The following ABCA13 variants were observed in gnomAD, a reference collection of about 807,000 sequenced individuals.
The protein encoded by ABCA13 is ATP-binding cassette sub-family A member 13.
Under a neutral mutation model 478.7 loss-of-function variants are expected in ABCA13, and 476 were observed. That is an observed-to-expected ratio of 0.99 (90% CI 0.92 to 1.07). The LOEUF is 1.07. ABCA13 is among the 50% of genes least tolerant of loss of function. The pLI is 0.00. For missense variants in ABCA13, 6,060 were observed against 5,910.6 expected, an observed-to-expected ratio of 1.03 and a Z score of -0.83; for synonymous variants, 2,252 against 2,158.9, an observed-to-expected ratio of 1.04 and a Z score of -1.20.
At chr7:48,292,295 C>A (rs1380246782) in intron 20 of ABCA13, among the ~76,000 whole-genome samples, 1 of 152,058 alleles carries the variant, frequency 6.6e-6, no homozygotes, top group Non-Finnish European at 1.5e-5. Flanking sequence ...AGTCTTTGTT[C>A]TTCTTATTTT....
In ABCA13 at chr7:48,273,075, G is replaced by A; in HGVS notation, c.3409G>A (p.Val1137Met). ...TTCAAACCTCTCAGCAAATGTCAGT[G>A]TGTTCAACAAGTTTATGTCCATTCA... Reference protein sequence around the residue: ...IFSNLSANVSVFNKFMSIHCT... With the variant: ...IFSNLSANVSMFNKFMSIHCT... Residue 1137 changes from valine (V) to methionine (M), a missense_variant, in exon 17 of 62, where the codon GTG becomes ATG. Val to Met is a conservative substitution (Grantham distance 21, BLOSUM62 1). Around this residue, in one of 3 missense-constraint regions of ABCA13, gnomAD observed 4,423 missense variants for 4,309.1 expected, o/e 1.03. Coordinates refer to ENST00000435803, the MANE Select transcript of ABCA13 (RefSeq NM_152701.5). The A allele has an allele frequency of 1.9e-6, 3 of 1,613,610 alleles. No individual in the cohort carries two copies. Among genetic ancestry groups the A allele is most frequent in the Non-Finnish European group, 2.5e-6 (3 of 1,179,734 alleles).
At position 48,479,408 on chromosome 7, in the gene ABCA13, T is replaced by C. The variant is rs143134227; in HGVS notation, c.12976-1628T>C. Among the ~76,000 whole-genome samples, 944 of 152,168 alleles carry C rather than the reference T, an allele frequency of 6.2e-3. 8 individuals carry two copies. The highest frequency in any genetic ancestry group is 0.022 in the African/African-American group (902 of 41,500). ...TTGTGCTACCACGCCCTGCTAATTT[T>C]TGCATTTTTATTAGAGATGGGGTTT... On this transcript the variant is annotated intron_variant, in intron 45 of 61. Transcript: ENST00000435803.
In ABCA13 at chr7:48,467,057, G is replaced by A. The variant is rs1826960437; in HGVS notation, c.12905+12G>A. The stretch of plus-strand genomic sequence containing the variant: ...TTAAACCCACGCCAGTAAGTGTCAG[G>A]TGCTCTCTGCAAAAGTGAACACTCC... On this transcript the variant is annotated intron_variant, in intron 44 of 61. Coordinates refer to ENST00000435803, the MANE Select transcript of ABCA13 (RefSeq NM_152701.5). 1 of 1,613,184 alleles carries A rather than the reference G, an allele frequency of 6.2e-7. No individual in the cohort carries two copies. The highest frequency in any genetic ancestry group is 1.3e-5 in the African/African-American group (1 of 75,004).
At chr7:48,583,304 A>C (rs1277536206) in intron 56 of ABCA13, among the ~76,000 whole-genome samples, 1 of 152,202 alleles carries the variant, frequency 6.6e-6, no homozygotes, top group African/African-American at 2.4e-5. Flanking sequence ...TGGGGACAGG[A>C]GGTCATCTTC....
At chr7:48,391,473 A>G (rs1816037411) in intron 37 of ABCA13, among the ~76,000 whole-genome samples, 1 of 152,212 alleles carries the variant, frequency 6.6e-6, no homozygotes, top group Non-Finnish European at 1.5e-5. Context: ...TACAATATTC[A>G]ATAAATTGCA....
At chr7:48,613,047 C>A (rs1027522581) in intron 58 of ABCA13, among the ~76,000 whole-genome samples, 1 of 152,048 alleles carries the variant, frequency 6.6e-6, no homozygotes, top group Non-Finnish European at 1.5e-5. Context: ...TTATTACCCA[C>A]GAGCAGTTCT....
At position 48,229,811 on chromosome 7, in the gene ABCA13, T is replaced by A; in HGVS notation, c.633-14T>A. On this transcript the variant is annotated splice_polypyrimidine_tract_variant and intron_variant, in intron 6 of 61. Coordinates refer to ENST00000435803, the MANE Select transcript of ABCA13 (RefSeq NM_152701.5). Reference sequence around the variant, plus strand: ...TACCCACTCATATTGCTTTTTGTTTTGTTTTGGTTCTAGTTCCTTAATATC... The same window carrying A: ...TACCCACTCATATTGCTTTTTGTTTAGTTTTGGTTCTAGTTCCTTAATATC... The A allele has an allele frequency of 6.2e-7, 1 of 1,613,702 alleles. No homozygotes were observed. The highest frequency in any genetic ancestry group is 8.5e-7 in the Non-Finnish European group (1 of 1,179,802).
At chr7:48,288,225 A>G in intron 20 of ABCA13, 147 bp downstream of exon 20, 1 of 739,074 alleles carries the variant, frequency 1.4e-6, no homozygotes, top group South Asian at 1.9e-5. Flanking sequence ...GGCTTGCAGA[A>G]TGACTGCTCA....
chr7:48,368,881 CAT>C (rs1476260682), intron 32 of ABCA13, among the ~76,000 whole-genome samples: 2 of 151,750 alleles, frequency 1.3e-5, no homozygotes, highest in Non-Finnish European at 1.5e-5. Context: ...CTGCTATAAA[CAT>C]ATGTGTGCAA....
At chr7:48,203,914 T>C (rs530245408) in intron 3 of ABCA13, among the ~76,000 whole-genome samples, 2 of 152,318 alleles carry the variant, frequency 1.3e-5, no homozygotes, top group South Asian at 4.1e-4. Context: ...CATTTCCTAC[T>C]GGTCTCATTT....
chr7:48,383,074 C>G (rs994514550), intron 35 of ABCA13, among the ~76,000 whole-genome samples: 1 of 152,162 alleles, frequency 6.6e-6, no homozygotes, highest in Non-Finnish European at 1.5e-5. Context: ...TCTCCTCATA[C>G]CTCTGTACAA....
At chr7:48,437,883 G>A (rs908994106) in intron 42 of ABCA13, among the ~76,000 whole-genome samples, 3 of 152,004 alleles carry the variant, frequency 2.0e-5, no homozygotes, top group African/African-American at 7.2e-5. Context: ...TTCTTCTGAT[G>A]TTCCTTGGCC....
intron 43 of ABCA13, among the ~76,000 whole-genome samples, chr7:48,462,444 C>T (rs181103641): frequency 0.047 from 4,185 of 89,070 alleles, 181 homozygotes; most frequent in African/African-American, 0.22. Flanking sequence ...GTAAAGGATT[C>T]CCCCCCCCCT....
At chr7:48,238,954 A>G (rs1228312870) in intron 8 of ABCA13, among the ~76,000 whole-genome samples, 6 of 152,214 alleles carry the variant, frequency 3.9e-5, no homozygotes, top group Non-Finnish European at 8.8e-5. Flanking sequence ...ACCCATGTTC[A>G]CTTTTGGCCT....
At chr7:48,577,559 A>T (rs1384800337) in intron 55 of ABCA13, among the ~76,000 whole-genome samples, 2 of 152,160 alleles carry the variant, frequency 1.3e-5, no homozygotes, top group Admixed American at 1.3e-4. Flanking sequence ...CCAAATAGGT[A>T]TATATCATTG....
intron 43 of ABCA13, among the ~76,000 whole-genome samples, chr7:48,462,059 C>A (rs1826303086): frequency 6.7e-6 from 1 of 150,150 alleles, no homozygotes; most frequent in South Asian, 2.1e-4. Flanking sequence ...TAAGGCTATG[C>A]CCCCTAAATT....
intron 43 of ABCA13, among the ~76,000 whole-genome samples, chr7:48,463,541 C>T (rs1826504281): frequency 6.6e-6 from 1 of 152,108 alleles, no homozygotes; most frequent in Admixed American, 6.5e-5. Flanking sequence ...TGGTCCTTTT[C>T]CCTGGATGCT....
At position 48,279,353 on chromosome 7, in the gene ABCA13, T is replaced by C. The variant is rs1348437467; in HGVS notation, c.8159T>C (p.Leu2720Ser). ...ATAATTCATGAAGTGATCCCTTTTT[T>C]GGATAAAATATTATCACAAAACAGC... The part of the protein sequence containing the change: ...WEIIHEVIPF[L>S]DKILSQNSTE... Residue 2720 changes from leucine (L) to serine (S), a missense_variant, in exon 18 of 62, where the codon TTG (leucine) becomes TCG (serine). Coordinates refer to ENST00000435803, the MANE Select transcript of ABCA13 (RefSeq NM_152701.5). 4 of 1,587,846 alleles carry C rather than the reference T, an allele frequency of 2.5e-6. No homozygotes were observed. Among genetic ancestry groups the C allele is most frequent in the African/African-American group, 2.7e-5 (2 of 74,672 alleles).
intron 3 of ABCA13, among the ~76,000 whole-genome samples, chr7:48,209,314 G>GTTTTCT (rs1420466110): frequency 6.6e-6 from 1 of 151,926 alleles, no homozygotes; most frequent in African/African-American, 2.4e-5. Context: ...TTGGCCTCTG[G>GTTTTCT]TTTTCTTTTT....
Sources: allele counts gnomAD v4.1 joint callset (sites outside exome capture counted in the v4.1 genomes callset), GRCh38; gene constraint gnomAD v4.1.1; regional missense constraint gnomAD v4.1.1; transcripts MANE v1.5; gene names NCBI Gene and HGNC (gene_info 2026-07-23, HGNC 2026-07-21).